The following GPR158 variants were observed in gnomAD, a reference collection of about 807,000 sequenced individuals.
GPR158 encodes the protein G protein-coupled receptor 158.
A neutral mutation model predicts 78.2 loss-of-function variants in GPR158; 30 were observed. That is an observed-to-expected ratio of 0.38 (90% CI 0.29 to 0.52). The LOEUF is 0.52. GPR158 is among the 20% of genes least tolerant of loss of function. The pLI is 0.83. For missense variants in GPR158, 1,463 were observed against 1,523.5 expected (o/e 0.96, Z 0.66); for synonymous variants, 581 against 591.1 (o/e 0.98, Z 0.25).
chr10:25,415,894 A>G (rs1477530740), intron 4 of GPR158, among the ~76,000 whole-genome samples: 1 of 152,090 alleles, frequency 6.6e-6, no homozygotes, highest in African/African-American at 2.4e-5. Flanking sequence ...TTCTTTTTGG[A>G]AAGACAAAAA....
At chr10:25,212,359 C>T (rs1360095005) in intron 1 of GPR158, among the ~76,000 whole-genome samples, 4 of 151,976 alleles carry the variant, frequency 2.6e-5, no homozygotes, top group South Asian at 4.1e-4. Context: ...TTTGGACAAC[C>T]GGAACTTACG....
intron 6 of GPR158, among the ~76,000 whole-genome samples, chr10:25,562,540 G>A (rs1036692936): frequency 2.6e-5 from 4 of 152,058 alleles, no homozygotes; most frequent in Admixed American, 6.6e-5. Flanking sequence ...TAACCCATTC[G>A]TTAAGAGTAT....
intron 4 of GPR158, among the ~76,000 whole-genome samples, chr10:25,428,013 A>G (rs1403981274): frequency 6.6e-6 from 1 of 151,992 alleles, no homozygotes; most frequent in Non-Finnish European, 1.5e-5. Flanking sequence ...TTATAGTCAT[A>G]CCTCTTACTA....
At chr10:25,194,899 T>G (rs1852823777) in intron 1 of GPR158, among the ~76,000 whole-genome samples, 1 of 152,172 alleles carries the variant, frequency 6.6e-6, no homozygotes, top group South Asian at 2.1e-4. Context: ...TATTCTAATA[T>G]TTTTGGATAA....
intron 2 of GPR158, among the ~76,000 whole-genome samples, chr10:25,324,766 G>C (rs1195895875): frequency 6.6e-6 from 1 of 151,632 alleles, no homozygotes; most frequent in East Asian, 1.9e-4. Context: ...TCTTCTTCTA[G>C]AGGAAGATGG....
chr10:25,313,581 C>T (rs906488363), intron 2 of GPR158, among the ~76,000 whole-genome samples: 20 of 151,658 alleles, frequency 1.3e-4, no homozygotes, highest in Non-Finnish European at 2.7e-4. Context: ...GATTTTTGAT[C>T]GTTTATGGCC....
intron 2 of GPR158, among the ~76,000 whole-genome samples, chr10:25,251,098 G>C (rs1853790642): frequency 6.6e-6 from 1 of 151,988 alleles, no homozygotes; most frequent in Admixed American, 6.6e-5. Context: ...GATCTTTGTT[G>C]GTTTAAAGTC....
intron 2 of GPR158, among the ~76,000 whole-genome samples, chr10:25,306,330 A>G (rs1266712866): frequency 6.6e-6 from 1 of 152,260 alleles, no homozygotes; most frequent in East Asian, 1.9e-4. Context: ...AATATCTCTT[A>G]CTAAGTTTCA....
chr10:25,380,386 CATATT>C (rs1469659393), intron 2 of GPR158, among the ~76,000 whole-genome samples: 2 of 152,138 alleles, frequency 1.3e-5, no homozygotes, highest in Non-Finnish European at 2.9e-5. Flanking sequence ...AAACTGAAAT[CATATT>C]ATATGTACTC....
At chr10:25,313,032 T>G (rs1854789517) in intron 2 of GPR158, among the ~76,000 whole-genome samples, 1 of 152,038 alleles carries the variant, frequency 6.6e-6, no homozygotes, top group Non-Finnish European at 1.5e-5. Context: ...GGGGTTTGCA[T>G]ACCTTACTTT....
At chr10:25,180,412 C>T (rs570838178) in intron 1 of GPR158, among the ~76,000 whole-genome samples, 1 of 152,268 alleles carries the variant, frequency 6.6e-6, no homozygotes, top group South Asian at 2.1e-4. Context: ...GCTATGAAGC[C>T]TGTATAGTCT....
chr10:25,521,021 T>C (rs1342236855), intron 5 of GPR158, among the ~76,000 whole-genome samples: 12 of 152,290 alleles, frequency 7.9e-5, no homozygotes, highest in African/African-American at 1.4e-4. Context: ...AGCGAGACTC[T>C]GTGGGCGTAG....
intron 6 of GPR158, among the ~76,000 whole-genome samples, chr10:25,558,281 C>A (rs145477561): frequency 6.6e-6 from 1 of 152,330 alleles, no homozygotes; most frequent in East Asian, 1.9e-4. Context: ...TCTGGTAATG[C>A]AGAATTAGTA....
rs200536212 is a variant in GPR158 at position 25,302,067 on chromosome 10, C to CT, written c.1008+80929dup. ...TATCGCATCTATCAGTAATTTGTTC[C>CT]TTTTTTTTTTTTTTTTTTTCTTGAG... On this transcript the variant is annotated intron_variant, in intron 2 of 10. Coordinates refer to ENST00000376351, the MANE Select transcript of GPR158 (RefSeq NM_020752.3). Among the ~76,000 whole-genome samples the CT allele has an allele frequency of 6.4e-3, 856 of 133,932 alleles. 6 individuals carry two copies. Among genetic ancestry groups the CT allele is most frequent in the African/African-American group, 0.012 (449 of 35,934 alleles). The allele number at this position is 133,932 out of a possible 152,430, so 87.9% of individuals were successfully genotyped here.
At chr10:25,177,073 A>T (rs1045764371) in intron 1 of GPR158, among the ~76,000 whole-genome samples, 4 of 151,986 alleles carry the variant, frequency 2.6e-5, no homozygotes, top group African/African-American at 9.7e-5. Context: ...CACTCACATG[A>T]TTTATAAAAG....
chr10:25,226,665 C>G (rs553326970), intron 2 of GPR158, among the ~76,000 whole-genome samples: 6 of 152,212 alleles, frequency 3.9e-5, no homozygotes, highest in South Asian at 2.1e-4. Flanking sequence ...TCTCCTATTA[C>G]TAGTGTGAAA....
intron 3 of GPR158, among the ~76,000 whole-genome samples, chr10:25,407,603 CTTCTTGGTTAATGGTAACTTTT>C (rs1834531685): frequency 6.6e-6 from 1 of 152,116 alleles, no homozygotes; most frequent in African/African-American, 2.4e-5. Context: ...TGTTCTTTCC[CTTCTTGGTTAATGGTAACTTTT>C]TTCTTCCACT....
rs550789082 is a variant in GPR158 at position 25,538,213 on chromosome 10, C to A, written c.1405-12763C>A. Among the ~76,000 whole-genome samples, 118 of 134,666 alleles carry A rather than the reference C, an allele frequency of 8.8e-4. 1 individual carries two copies. Among genetic ancestry groups the A allele is most frequent in the African/African-American group, 2.8e-3 (113 of 39,940 alleles). The allele number at this position is 134,666 out of a possible 152,430, so 88.3% of individuals were successfully genotyped here. On this transcript the variant is annotated intron_variant, in intron 5 of 10. Coordinates refer to ENST00000376351, the MANE Select transcript of GPR158 (RefSeq NM_020752.3). ...AATCAGAGCCAAAGCTTCAGATTTG[C>A]CGTTGTTGTTGTTGTTGTTGTTTTG...
At chr10:25,249,625 C>T (rs1232094575) in intron 2 of GPR158, among the ~76,000 whole-genome samples, 8 of 150,782 alleles carry the variant, frequency 5.3e-5, no homozygotes, top group East Asian at 2.0e-4. Context: ...TATTGATTTG[C>T]GTATATTGAA....
Sources: allele counts gnomAD v4.1 joint callset (sites outside exome capture counted in the v4.1 genomes callset), GRCh38; gene constraint gnomAD v4.1.1; transcripts MANE v1.5; gene names NCBI Gene and HGNC (gene_info 2026-07-23, HGNC 2026-07-21).